The following RBMS2 variants were observed in gnomAD, a reference collection of about 807,000 sequenced individuals.
RBMS2 encodes the protein RNA-binding motif, single-stranded-interacting protein 2.
Under a neutral mutation model 58.4 loss-of-function variants are expected in RBMS2, and 38 were observed. The observed-to-expected ratio is 0.65, with a 90% confidence interval of 0.50 to 0.85. The LOEUF (loss-of-function observed/expected upper bound fraction) is 0.85, where lower values mean the gene tolerates loss of function less well. RBMS2 is among the 40% of genes least tolerant of loss of function. The probability of loss-of-function intolerance (pLI) is 0.00; values close to 1 mark genes in which losing one functional copy is unlikely to be tolerated. For missense variants in RBMS2, 367 were observed against 503.7 expected (o/e 0.73, Z 2.60); for synonymous variants, 151 against 180.7 (o/e 0.84, Z 1.32).
At chr12:56,571,610 C>T (rs1882307074) in intron 4 of RBMS2, 88 bp from the exon 5 acceptor site, 7 of 1,378,358 alleles carry the variant, frequency 5.1e-6, no homozygotes, top group Non-Finnish European at 5.8e-6. Flanking sequence ...CCTATAGTCT[C>T]TTTTCTGAAA....
At chr12:56,570,640 C>T (rs1051538140) in intron 4 of RBMS2, among the ~76,000 whole-genome samples, 1 of 152,166 alleles carries the variant, frequency 6.6e-6, no homozygotes, top group Non-Finnish European at 1.5e-5. Context: ...TGCAGTGGCG[C>T]AATCTCGGCT....
intron 1 of RBMS2, among the ~76,000 whole-genome samples, chr12:56,543,816 C>T (rs1179180555): frequency 1.4e-5 from 2 of 146,576 alleles, no homozygotes; most frequent in African/African-American, 2.5e-5. Flanking sequence ...TACAGGCGTG[C>T]GCCACCACGC....
intron 9 of RBMS2, among the ~76,000 whole-genome samples, chr12:56,582,827 C>T (rs1884151952): frequency 6.6e-6 from 1 of 152,146 alleles, no homozygotes; most frequent in African/African-American, 2.4e-5. Context: ...CGCCACCACG[C>T]CCAGCTAATT....
At chr12:56,581,591 A>C (rs1565779078) in intron 7 of RBMS2, 83 bp downstream of exon 7, 2 of 1,417,064 alleles carry the variant, frequency 1.4e-6, no homozygotes, top group Non-Finnish European at 2.0e-6. Flanking sequence ...CTGTGAGCTT[A>C]GGTGGAAAGC....
At chr12:56,536,055 G>C (rs1465839705) in intron 1 of RBMS2, among the ~76,000 whole-genome samples, 1 of 151,810 alleles carries the variant, frequency 6.6e-6, no homozygotes, top group Non-Finnish European at 1.5e-5. Context: ...ACAAAAATTA[G>C]CTGGGCGTGG....
intron 5 of RBMS2, among the ~76,000 whole-genome samples, chr12:56,580,559 A>G (rs1883805481): frequency 6.6e-6 from 1 of 151,890 alleles, no homozygotes. Context: ...TGAGTGTCCT[A>G]ACTCACAGAG....
At chr12:56,555,617 G>T (rs1879099738) in intron 1 of RBMS2, among the ~76,000 whole-genome samples, 1 of 151,784 alleles carries the variant, frequency 6.6e-6, no homozygotes, top group South Asian at 2.1e-4. Context: ...TTGAGACCAG[G>T]TCTCACTCTG....
chr12:56,588,435 C>A, intron 12 of RBMS2, 61 bp downstream of exon 12: 3 of 1,431,026 alleles, frequency 2.1e-6, no homozygotes, highest in Non-Finnish European at 3.0e-6. Context: ...CAGGTTTCCC[C>A]CTGATCAAGA....
At chr12:56,568,850 A>C in intron 2 of RBMS2, 125 bp from the exon 3 acceptor site, 1 of 804,504 alleles carries the variant, frequency 1.2e-6, no homozygotes, top group Middle Eastern at 2.5e-4. Context: ...TTTTATTTTT[A>C]TGAAGGTTTG....
chr12:56,556,289 C>A (rs1420989560), intron 1 of RBMS2, among the ~76,000 whole-genome samples: 8 of 151,712 alleles, frequency 5.3e-5, no homozygotes, highest in Admixed American at 4.6e-4. Flanking sequence ...CTATAAAAAT[C>A]TCTGGGGATC....
At position 56,585,321 on chromosome 12, in the gene RBMS2, T is replaced by C. The variant is rs897721717; in HGVS notation, c.874-1528T>C. On this transcript the variant is annotated intron_variant, in intron 9 of 13. Transcript: ENST00000262031. ...CGCCAAATTATTAAATAATCTCACTTTTTGGATTATTTAATCCAATATTGG... is the reference window on the plus strand; with the variant it reads ...CGCCAAATTATTAAATAATCTCACTCTTTGGATTATTTAATCCAATATTGG... Among the ~76,000 whole-genome samples, 7 of 152,374 alleles carry C rather than the reference T, an allele frequency of 4.6e-5. No individual in the cohort carries two copies. The East Asian group carries it at 1.3e-3, about 29-fold the overall frequency.
At chr12:56,587,790 G>C (rs1287699736) in intron 11 of RBMS2, 126 bp downstream of exon 11, 16 of 1,339,856 alleles carry the variant, frequency 1.2e-5, no homozygotes, top group Non-Finnish European at 1.6e-5. Flanking sequence ...GGCACACTCA[G>C]AACAGGACAT....
At chr12:56,539,050 C>G (rs985799351) in intron 1 of RBMS2, among the ~76,000 whole-genome samples, 11 of 148,182 alleles carry the variant, frequency 7.4e-5, no homozygotes, top group African/African-American at 2.8e-4. Flanking sequence ...GAGTCTTGCT[C>G]TGGTGCCCAG....
chr12:56,571,447 A>G (rs1244917984), intron 4 of RBMS2, among the ~76,000 whole-genome samples: 1 of 152,174 alleles, frequency 6.6e-6, no homozygotes, highest in Non-Finnish European at 1.5e-5. Context: ...TCTAAAAGAG[A>G]CAGCCAAACA....
chr12:56,557,748 T>C (rs1027662900), intron 1 of RBMS2, among the ~76,000 whole-genome samples: 1 of 151,602 alleles, frequency 6.6e-6, no homozygotes, highest in Non-Finnish European at 1.5e-5. Context: ...TTTCTTTTTT[T>C]TTTTTTTGAG....
rs758918200 is a variant in RBMS2 at position 56,582,104 on chromosome 12, T to C, written c.825T>C (p.Ala275=). Reference sequence around the variant, plus strand: ...ACATCACCCCCAACAGGATGCTTGCTCAGTCTGCACTCTCCCCATACCTTT... The same window carrying C: ...ACATCACCCCCAACAGGATGCTTGCCCAGTCTGCACTCTCCCCATACCTTT... The part of the protein sequence containing the change: ...PYNITPNRML[A]QSALSPYLSS... The change falls in exon 9 of 14, where the codon GCT becomes GCC. Residue 275 remains alanine (A), a synonymous_variant. Transcript: ENST00000262031. 1.9e-6 allele frequency: 3 copies of C among 1,613,596 alleles called. No individual in the cohort carries two copies. In the South Asian group the frequency reaches 3.3e-5, roughly 18 times the overall value.
Position 56,586,899 on chromosome 12 carries a change from C to G in RBMS2, c.924C>G (p.His308Gln). 1 of 1,613,832 alleles carries G rather than the reference C, an allele frequency of 6.2e-7. No homozygotes were observed. The highest frequency in any genetic ancestry group is 2.2e-5 in the East Asian group (1 of 44,884). The change falls in exon 10 of 14, where the codon CAC becomes CAG. Residue 308 changes from histidine (H) to glutamine (Q), a missense_variant. His to Gln is a conservative substitution (Grantham distance 24). This residue lies in a region of RBMS2 where 220 missense variants were observed against 261.1 expected (regional missense o/e 0.84). Transcript: ENST00000262031. ...AAGTACCTAACCCATCCTGGATGCA[C>G]CACCATTCATACCTCATGCAGCCTT... is the stretch of plus-strand genomic sequence containing the variant. ...PLQVPNPSWM[H>Q]HHSYLMQPSG...
chr12:56,571,883 T>C (rs1882350106), intron 5 of RBMS2, 28 bp downstream of exon 5: 3 of 1,491,128 alleles, frequency 2.0e-6, no homozygotes, highest in Non-Finnish European at 2.7e-6. Flanking sequence ...GGGGAAATGA[T>C]GAGGTTAATA....
At chr12:56,581,533 G>A (rs773374805) in intron 7 of RBMS2, 25 bp downstream of exon 7, 7 of 1,585,642 alleles carry the variant, frequency 4.4e-6, no homozygotes, top group Admixed American at 1.7e-5. Flanking sequence ...GAGGAGACAG[G>A]AGTACTAACG....
Sources: allele counts gnomAD v4.1 joint callset (sites outside exome capture counted in the v4.1 genomes callset), GRCh38; gene constraint gnomAD v4.1.1; regional missense constraint gnomAD v4.1.1; transcripts MANE v1.5; gene names NCBI Gene and HGNC (gene_info 2026-07-23, HGNC 2026-07-21).